Variants in PTPRN2 observed in about 807,000 individuals in gnomAD.
The protein encoded by PTPRN2 is receptor-type tyrosine-protein phosphatase N2.
In PTPRN2, 74 loss-of-function variants were observed where a neutral mutation model predicts 118.8. The observed-to-expected ratio is 0.62, with a 90% CI of 0.52 to 0.76. The LOEUF (loss-of-function observed/expected upper bound fraction) is 0.76, where lower values mean the gene tolerates loss of function less well. Among genes scored for constraint, PTPRN2 ranks in the 30% least tolerant of loss-of-function variants. PTPRN2 has a pLI of 0.00. For synonymous variants in PTPRN2, 641 were observed against 608.0 expected (o/e 1.05, Z -0.80); for missense variants, 1,481 against 1,394.4 (o/e 1.06, Z -0.99).
rs115405677 is a variant in PTPRN2, at chr7:158,008,548, T to C, written c.1723+72750A>G. ...AAAGAGCAGCTTAGCATTTATTTCA[T>C]ATTTTTGTCTTCCACTGATTCTTAT... On this transcript the variant is annotated intron_variant, in intron 11 of 22. Transcript: ENST00000389418. 6.4e-3 allele frequency among the ~76,000 whole-genome samples: 979 copies of C among 152,368 alleles called. 13 individuals carry two copies. The highest frequency in any genetic ancestry group is 0.023 in the African/African-American group (954 of 41,598).
At chr7:158,373,172 A>C (rs1047291771) in intron 2 of PTPRN2, among the ~76,000 whole-genome samples, 2 of 152,242 alleles carry the variant, frequency 1.3e-5, no homozygotes, top group Non-Finnish European at 2.9e-5. Context: ...TATAAGACTA[A>C]TATGACAGCA....
intron 2 of PTPRN2, among the ~76,000 whole-genome samples, chr7:158,385,322 A>G (rs974541749): frequency 1.3e-5 from 2 of 152,116 alleles, no homozygotes; most frequent in African/African-American, 2.4e-5. Flanking sequence ...AAAGGTTTCA[A>G]TTGAACCGAT....
intron 12 of PTPRN2, among the ~76,000 whole-genome samples, chr7:157,856,375 C>T (rs764058731): frequency 1.3e-5 from 2 of 152,230 alleles, no homozygotes; most frequent in African/African-American, 4.8e-5. Flanking sequence ...GCTTTTCAAG[C>T]ACACACATTT....
chr7:157,864,619 G>A (rs1810496830), intron 12 of PTPRN2: 1 of 152,384 alleles, frequency 6.6e-6, no homozygotes, highest in Non-Finnish European at 1.5e-5. Context: ...GGCCCACGGT[G>A]ACTGGCCACG....
chr7:158,019,830 G>A (rs949929106), intron 11 of PTPRN2, among the ~76,000 whole-genome samples: 3 of 152,220 alleles, frequency 2.0e-5, no homozygotes, highest in African/African-American at 4.8e-5. Flanking sequence ...GCCACAGCTC[G>A]GCCTTGGTGT....
At chr7:158,444,193 T>C (rs528506082) in intron 2 of PTPRN2, among the ~76,000 whole-genome samples, 1 of 152,308 alleles carries the variant, frequency 6.6e-6, no homozygotes, top group East Asian at 1.9e-4. Context: ...CTCGCCTGGC[T>C]CCAGCAAGAG....
intron 2 of PTPRN2, among the ~76,000 whole-genome samples, chr7:158,383,905 G>C (rs1428530195): frequency 6.6e-6 from 1 of 152,192 alleles, no homozygotes; most frequent in Non-Finnish European, 1.5e-5. Context: ...TGGCATATGA[G>C]AGCCACTATG....
intron 2 of PTPRN2, among the ~76,000 whole-genome samples, chr7:158,336,449 CAT>C (rs72364741): frequency 0.22 from 11,318 of 50,498 alleles, 1,001 homozygotes; most frequent in South Asian, 0.29. Flanking sequence ...CACACCCACA[CAT>C]GTCACTCACA....
intron 5 of PTPRN2, among the ~76,000 whole-genome samples, chr7:158,182,536 A>T (rs997974910): frequency 2.0e-5 from 3 of 151,696 alleles, no homozygotes; most frequent in African/African-American, 7.3e-5. Flanking sequence ...ATGTGTTCTC[A>T]CTGTTCAACT....
intron 1 of PTPRN2, among the ~76,000 whole-genome samples, chr7:158,545,062 C>T (rs1826203955): frequency 1.3e-5 from 2 of 152,238 alleles, no homozygotes; most frequent in Admixed American, 1.3e-4. Flanking sequence ...CCACCCACGG[C>T]GAGGAAGGCA....
chr7:158,488,817 G>T (rs886893069), intron 2 of PTPRN2, among the ~76,000 whole-genome samples: 1 of 152,288 alleles, frequency 6.6e-6, no homozygotes, highest in Non-Finnish European at 1.5e-5. Flanking sequence ...GAAAGAGAAG[G>T]CCTCGCTCAG....
chr7:157,899,734 C>T (rs998467005), intron 11 of PTPRN2, among the ~76,000 whole-genome samples: 7 of 152,180 alleles, frequency 4.6e-5, no homozygotes, highest in African/African-American at 1.7e-4. Context: ...GGGGCCTCTC[C>T]ATTGTCTTAT....
At chr7:158,341,781 A>T (rs1806868860) in intron 2 of PTPRN2, among the ~76,000 whole-genome samples, 2 of 141,326 alleles carry the variant, frequency 1.4e-5, no homozygotes, top group East Asian at 4.3e-4. Flanking sequence ...ACACCTGCAG[A>T]CGTCACTCAC....
At chr7:158,242,197 C>T (rs182460391) in intron 3 of PTPRN2, among the ~76,000 whole-genome samples, 7 of 152,292 alleles carry the variant, frequency 4.6e-5, no homozygotes, top group Admixed American at 2.0e-4. Context: ...ACCTCCTCCC[C>T]GCCCCGTCCT....
chr7:157,751,512 C>T (rs1023742374), intron 12 of PTPRN2, among the ~76,000 whole-genome samples: 5 of 152,236 alleles, frequency 3.3e-5, no homozygotes, highest in Middle Eastern at 3.4e-3. Flanking sequence ...CCAGCGCCCA[C>T]GGAGTGCGCT....
intron 3 of PTPRN2, among the ~76,000 whole-genome samples, chr7:158,273,533 GACAC>G: frequency 2.3e-5 from 3 of 129,452 alleles, no homozygotes; most frequent in Admixed American, 1.5e-4. Flanking sequence ...AGGAGCCGCA[GACAC>G]GGGGAGCCGC....
chr7:158,260,084 C>T (rs1002857388), intron 3 of PTPRN2, among the ~76,000 whole-genome samples: 1 of 152,296 alleles, frequency 6.6e-6, no homozygotes, highest in East Asian at 1.9e-4. Context: ...TATGTGCGTG[C>T]ACGTCTGTGT....
intron 13 of PTPRN2, among the ~76,000 whole-genome samples, chr7:157,677,140 C>T (rs1796707702): frequency 6.6e-6 from 1 of 152,166 alleles, no homozygotes; most frequent in Non-Finnish European, 1.5e-5. Flanking sequence ...AAGTGGCTTC[C>T]TTAGGAAGCA....
At chr7:158,071,646 G>A (rs1393945322) in intron 11 of PTPRN2, among the ~76,000 whole-genome samples, 146 of 131,146 alleles carry the variant, frequency 1.1e-3, no homozygotes, top group African/African-American at 3.4e-3. Flanking sequence ...GGAGATGCTC[G>A]TGGTGATGGA....
Sources: allele counts gnomAD v4.1 joint callset (sites outside exome capture counted in the v4.1 genomes callset), GRCh38; gene constraint gnomAD v4.1.1; transcripts MANE v1.5; gene names NCBI Gene and HGNC (gene_info 2026-07-23, HGNC 2026-07-21).